Variants in UGT2B11 observed in about 807,000 individuals in gnomAD.
The protein encoded by UGT2B11 is UDP-glucuronosyltransferase 2B11.
UGT2B11 carries 49 observed loss-of-function variants against 51.7 expected under a neutral mutation model. That is an observed-to-expected ratio of 0.95 (90% confidence interval 0.75 to 1.20). The LOEUF (loss-of-function observed/expected upper bound fraction) is 1.20, where lower values mean the gene tolerates loss of function less well. UGT2B11 is among the 50% of genes most tolerant of loss of function. UGT2B11 has a pLI of 0.00. For missense variants in UGT2B11, 810 were observed against 622.1 expected (o/e 1.30, Z -3.21); for synonymous variants, 273 against 209.0 (o/e 1.31, Z -2.64).
chr4:69,202,152 C>G (rs1260501786), intron 5 of UGT2B11, among the ~76,000 whole-genome samples: 2 of 151,704 alleles, frequency 1.3e-5, no homozygotes, highest in East Asian at 2.0e-4. Context: ...GATTGATAAA[C>G]CACAGATTAT....
intron 3 of UGT2B11, among the ~76,000 whole-genome samples, chr4:69,205,921 G>A (rs1447812783): frequency 6.6e-6 from 1 of 151,580 alleles, no homozygotes; most frequent in Non-Finnish European, 1.5e-5. Context: ...AAACCATAAT[G>A]AGATAGCATC....
At chr4:69,223,743 C>T in the UGT2B11 span, among the ~76,000 whole-genome samples, 3 of 152,182 alleles carry the variant, frequency 2.0e-5, no homozygotes, top group East Asian at 1.9e-4. Context: ...GTACTCTAGG[C>T]TTCTGTCCCC....
At chr4:69,224,811 C>G in the UGT2B11 span, among the ~76,000 whole-genome samples, 59 of 151,114 alleles carry the variant, frequency 3.9e-4, no homozygotes, top group African/African-American at 1.2e-3. Flanking sequence ...GCTTCCACAG[C>G]GTGGAAGGGG....
In UGT2B11 at chr4:69,212,630, T is replaced by A; in HGVS notation, c.813A>T (p.Leu271Phe). ...ATCCTCCAACAAAATCAACGTTTGG[T>A]AAGAATGGATGAGGAAATTGAAAAC... ...SWSFQFPHPF[L>F]PNVDFVGGFH... Residue 271 changes from leucine (L) to phenylalanine (F), a missense_variant, in exon 2 of 6, where the codon TTA (leucine) becomes TTT (phenylalanine). Coordinates refer to ENST00000446444, the MANE Select transcript of UGT2B11 (RefSeq NM_001073.3). 3 of 1,610,554 alleles carry A rather than the reference T, an allele frequency of 1.9e-6. No homozygotes were observed. The highest frequency in any genetic ancestry group is 2.5e-6 in the Non-Finnish European group (3 of 1,177,762).
intron 5 of UGT2B11, among the ~76,000 whole-genome samples, chr4:69,204,026 A>C (rs1414728441): frequency 6.6e-6 from 1 of 151,656 alleles, no homozygotes; most frequent in East Asian, 1.9e-4. Context: ...GTCTGTTAAA[A>C]TAATGATGAT....
the UGT2B11 span, among the ~76,000 whole-genome samples, chr4:69,221,693 C>A: frequency 2.0e-5 from 3 of 152,296 alleles, no homozygotes; most frequent in South Asian, 6.2e-4. Context: ...TAAGATTCCT[C>A]GGATAGAAAC....
chr4:69,221,865 G>T, the UGT2B11 span, among the ~76,000 whole-genome samples: 1 of 152,248 alleles, frequency 6.6e-6, no homozygotes, highest in African/African-American at 2.4e-5. Context: ...ACTCAGTCCT[G>T]TTGCTGAATC....
chr4:69,209,938 T>A (rs1359955292), intron 2 of UGT2B11, among the ~76,000 whole-genome samples: 3 of 151,654 alleles, frequency 2.0e-5, no homozygotes, highest in Non-Finnish European at 4.4e-5. Flanking sequence ...AAAAGTTTTT[T>A]AAAAAATAAT....
chr4:69,204,127 TCTTC>T (rs1721759651), intron 5 of UGT2B11, among the ~76,000 whole-genome samples: 1 of 150,730 alleles, frequency 6.6e-6, no homozygotes, highest in African/African-American at 2.4e-5. Context: ...TCAAGTTTAT[TCTTC>T]CTTTCTTCTA....
chr4:69,213,344 TTAAA>T (rs1278514321), intron 1 of UGT2B11, among the ~76,000 whole-genome samples: 1 of 151,796 alleles, frequency 6.6e-6, no homozygotes, highest in African/African-American at 2.4e-5. Flanking sequence ...TCTCATATTT[TTAAA>T]TAAAGAGACA....
At chr4:69,207,820 G>C (rs1419852372) in intron 3 of UGT2B11, among the ~76,000 whole-genome samples, 3 of 151,614 alleles carry the variant, frequency 2.0e-5, no homozygotes, top group African/African-American at 7.3e-5. Context: ...GGTGGCCCAA[G>C]AGTAAGTGAA....
In UGT2B11 at chr4:69,204,438, A is replaced by G. The variant is rs1721771934; in HGVS notation, c.1302T>C (p.Asn434=). 6.2e-7 allele frequency: 1 copy of G among 1,611,664 alleles called. No individual in the cohort carries two copies. Among genetic ancestry groups the G allele is most frequent in the Non-Finnish European group, 8.5e-7 (1 of 1,178,486 alleles). The stretch of plus-strand genomic sequence containing the variant: ...AACATTGTTCTACTCACAAAGGATC[A>G]TTAATTACTGTCTTCAGTGCATTCA... ...DLLNALKTVI[N]DPLYKENIMK... The change falls in exon 5 of 6, where the codon AAT becomes AAC. Residue 434 remains asparagine (N), a synonymous_variant. Transcript: ENST00000446444.
intron 3 of UGT2B11, among the ~76,000 whole-genome samples, chr4:69,206,042 C>G (rs1721843495): frequency 6.6e-6 from 1 of 151,486 alleles, no homozygotes; most frequent in Non-Finnish European, 1.5e-5. Context: ...TAAGTTAGTT[C>G]AACCATTGTG....
upstream of UGT2B11, among the ~76,000 whole-genome samples, chr4:69,219,701 T>C (rs1722363706): frequency 6.6e-6 from 1 of 151,746 alleles, no homozygotes; most frequent in African/African-American, 2.4e-5. Context: ...TATAAAACTA[T>C]AAGATCTCAA....
rs146219254 is a variant in UGT2B11 at position 69,214,206 on chromosome 4, G to A, written c.517C>T (p.Arg173Cys). The change falls in exon 1 of 6, where the codon CGC (arginine) becomes TGC (cysteine). Residue 173 changes from arginine (R) to cysteine (C), a missense_variant. Arg to Cys is a radical substitution (Grantham distance 180). Coordinates refer to ENST00000446444, the MANE Select transcript of UGT2B11 (RefSeq NM_001073.3). Reference sequence around the variant, plus strand: ...TCAATTGTGTAGCCAGGAGTAAAGCGGAGACTGTACACAAACCGTATGTTA... The same window carrying A: ...TCAATTGTGTAGCCAGGAGTAAAGCAGAGACTGTACACAAACCGTATGTTA... The part of the protein sequence containing the change: ...LLNIRFVYSL[R>C]FTPGYTIERH... The A allele has an allele frequency of 1.7e-4, 273 of 1,612,908 alleles. No individual in the cohort carries two copies. Among genetic ancestry groups the A allele is most frequent in the Non-Finnish European group, 2.1e-4 (251 of 1,179,412 alleles).
At chr4:69,221,608 GA>G in the UGT2B11 span, among the ~76,000 whole-genome samples, 5 of 152,256 alleles carry the variant, frequency 3.3e-5, no homozygotes. Context: ...GGCATTACAA[GA>G]AAGGCATGTG....
intron 2 of UGT2B11, among the ~76,000 whole-genome samples, chr4:69,212,052 G>A (rs1722086417): frequency 6.6e-6 from 1 of 151,188 alleles, no homozygotes; most frequent in Non-Finnish European, 1.5e-5. Flanking sequence ...ATATTTTTTA[G>A]CCCTCATCTT....
intron 4 of UGT2B11, 63 bp from the exon 5 acceptor site, chr4:69,204,712 G>T: frequency 2.5e-6 from 4 of 1,607,426 alleles, no homozygotes; most frequent in Non-Finnish European, 3.4e-6. Context: ...ACAATGAAAG[G>T]TTCTGAAAGT....
At chr4:69,217,294 A>G (rs570139950), upstream of UGT2B11, among the ~76,000 whole-genome samples, 14 of 152,162 alleles carry the variant, frequency 9.2e-5, no homozygotes, top group Non-Finnish European at 1.8e-4. Context: ...GAAGGAAAAG[A>G]TGCATGTCAC....
Sources: allele counts gnomAD v4.1 joint callset (sites outside exome capture counted in the v4.1 genomes callset), GRCh38; gene constraint gnomAD v4.1.1; transcripts MANE v1.5; gene names NCBI Gene and HGNC (gene_info 2026-07-23, HGNC 2026-07-21).